The following DCDC1 variants were observed in gnomAD, a reference collection of about 807,000 sequenced individuals.
DCDC1 encodes the protein doublecortin domain-containing protein 1.
In DCDC1, 200 loss-of-function variants were observed where a neutral mutation model predicts 178.3. That is an observed-to-expected ratio of 1.12 (90% CI 1.00 to 1.26). The LOEUF (loss-of-function observed/expected upper bound fraction) is 1.26, where lower values mean the gene tolerates loss of function less well. Ranked by LOEUF, DCDC1 falls within the 50% of genes most tolerant of loss-of-function variation. DCDC1 has a pLI of 0.00. For synonymous variants in DCDC1, 690 were observed against 604.8 expected (o/e 1.14, Z -2.07); for missense variants, 1,983 against 1,749.2 (o/e 1.13, Z -2.38).
At position 31,045,651 on chromosome 11, in the gene DCDC1, G is replaced by GTATCT. The variant is rs1565216438; in HGVS notation, c.2591+18817_2591+18818insAGATA. On this transcript the variant is annotated intron_variant, in intron 20 of 38. Coordinates refer to ENST00000684477, the MANE Select transcript of DCDC1 (RefSeq NM_001387274.1). ...TTCTAATGGTACCATTCTTTCAGAGGTTCAAGATAACTGTTCCTAGTTTTT... is the reference window on the plus strand; with the variant it reads ...TTCTAATGGTACCATTCTTTCAGAGGTATCTTTCAAGATAACTGTTCCTAGTTTTT... Among the ~76,000 whole-genome samples, 96 of 152,178 alleles carry GTATCT rather than the reference G, an allele frequency of 6.3e-4. 2 individuals carry two copies. The South Asian group carries it at 0.019, about 31-fold the overall frequency.
chr11:31,226,917 G>A (rs1192505354), intron 9 of DCDC1, among the ~76,000 whole-genome samples: 3 of 151,426 alleles, frequency 2.0e-5, no homozygotes, highest in African/African-American at 7.3e-5. Context: ...GATTTTCTGG[G>A]GAAAATAACA....
chr11:31,038,267 A>C (rs1300683926), intron 20 of DCDC1, among the ~76,000 whole-genome samples: 1 of 152,112 alleles, frequency 6.6e-6, no homozygotes, highest in Non-Finnish European at 1.5e-5. Context: ...AATGAATTTA[A>C]GTGCACATAT....
intron 20 of DCDC1, among the ~76,000 whole-genome samples, chr11:31,017,039 A>T (rs1307913901): frequency 6.6e-6 from 1 of 152,234 alleles, no homozygotes; most frequent in African/African-American, 2.4e-5. Context: ...GTAGTCCAAA[A>T]TGTGAATATG....
intron 7 of DCDC1, among the ~76,000 whole-genome samples, chr11:31,285,434 C>T (rs945910723): frequency 6.6e-6 from 1 of 152,204 alleles, no homozygotes; most frequent in African/African-American, 2.4e-5. Flanking sequence ...AATTTTGCTA[C>T]CCCAGGTTCT....
At chr11:31,145,103 T>C (rs1176274003) in intron 9 of DCDC1, among the ~76,000 whole-genome samples, 1 of 152,184 alleles carries the variant, frequency 6.6e-6, no homozygotes, top group Non-Finnish European at 1.5e-5. Context: ...ATAATTCACT[T>C]TTTCCTAGTT....
intron 20 of DCDC1, among the ~76,000 whole-genome samples, chr11:30,995,400 G>C (rs150708457): frequency 6.6e-6 from 1 of 151,982 alleles, no homozygotes; most frequent in African/African-American, 2.4e-5. Flanking sequence ...TGTAGATTTC[G>C]ACAAGCTGGT....
At chr11:31,007,073 A>T (rs941512607) in intron 20 of DCDC1, among the ~76,000 whole-genome samples, 1 of 152,200 alleles carries the variant, frequency 6.6e-6, no homozygotes, top group Non-Finnish European at 1.5e-5. Flanking sequence ...GTAACTCAGT[A>T]AGGCTGGAGT....
intron 9 of DCDC1, among the ~76,000 whole-genome samples, chr11:31,151,737 T>A (rs1286673177): frequency 1.3e-5 from 2 of 152,210 alleles, no homozygotes; most frequent in Non-Finnish European, 2.9e-5. Flanking sequence ...ATCGCCATAT[T>A]AGTTGACAGC....
At chr11:30,945,570 G>A (rs892477238) in intron 21 of DCDC1, among the ~76,000 whole-genome samples, 3 of 151,914 alleles carry the variant, frequency 2.0e-5, no homozygotes, top group African/African-American at 7.3e-5. Context: ...GCACATGCCT[G>A]TAATCCCAGC....
chr11:31,360,320 TAAAG>T (rs1198033349), intron 1 of DCDC1, among the ~76,000 whole-genome samples: 2 of 152,172 alleles, frequency 1.3e-5, no homozygotes, highest in African/African-American at 4.8e-5. Flanking sequence ...CCAACTCCTC[TAAAG>T]AAAGATGTGG....
At chr11:31,212,619 T>A (rs188541610) in intron 9 of DCDC1, among the ~76,000 whole-genome samples, 15 of 152,208 alleles carry the variant, frequency 9.9e-5, no homozygotes, top group African/African-American at 3.6e-4. Flanking sequence ...CAAATGAGAT[T>A]TTTTTAAATC....
At chr11:31,031,397 T>C (rs909526497) in intron 20 of DCDC1, among the ~76,000 whole-genome samples, 2 of 152,178 alleles carry the variant, frequency 1.3e-5, no homozygotes, top group Non-Finnish European at 2.9e-5. Flanking sequence ...GCTATGTATG[T>C]AACTTACTAA....
At chr11:30,881,738 C>T (rs1942692367) in intron 36 of DCDC1, among the ~76,000 whole-genome samples, 1 of 152,150 alleles carries the variant, frequency 6.6e-6, no homozygotes. Flanking sequence ...TCAAAAGAGT[C>T]TCCTCAATGA....
chr11:30,894,632 CT>C (rs1308406739), intron 34 of DCDC1, among the ~76,000 whole-genome samples: 3 of 152,158 alleles, frequency 2.0e-5, no homozygotes, highest in Admixed American at 2.0e-4. Flanking sequence ...AGATAACATG[CT>C]GATTTCCACA....
chr11:31,098,600 C>T (rs768097063), intron 15 of DCDC1, among the ~76,000 whole-genome samples: 17 of 152,174 alleles, frequency 1.1e-4, no homozygotes, highest in Non-Finnish European at 4.4e-5. Flanking sequence ...CTTTTGCCTC[C>T]CTTCTCTCAA....
At chr11:31,118,377 T>C (rs1960287386) in intron 11 of DCDC1, among the ~76,000 whole-genome samples, 1 of 152,134 alleles carries the variant, frequency 6.6e-6, no homozygotes, top group Non-Finnish European at 1.5e-5. Context: ...TTTTTCATCA[T>C]AAAACACAAT....
At chr11:31,184,297 T>C (rs1406245508) in intron 9 of DCDC1, among the ~76,000 whole-genome samples, 1 of 152,166 alleles carries the variant, frequency 6.6e-6, no homozygotes, top group Non-Finnish European at 1.5e-5. Flanking sequence ...TCAAGATGGA[T>C]TAAAGACTTA....
chr11:31,085,177 T>TA (rs375247777), intron 17 of DCDC1, among the ~76,000 whole-genome samples: 64 of 149,898 alleles, frequency 4.3e-4, no homozygotes, highest in East Asian at 1.6e-3. Flanking sequence ...TTTTTTTTTT[T>TA]AAAAAAAACT....
At chr11:31,248,274 T>C (rs1264678862) in intron 8 of DCDC1, among the ~76,000 whole-genome samples, 1 of 152,026 alleles carries the variant, frequency 6.6e-6, no homozygotes, top group African/African-American at 2.4e-5. Flanking sequence ...GGTATTAAAT[T>C]AGGCACAAAT....
Sources: gnomAD v4.1 joint callset for allele counts (sites outside exome capture counted in the v4.1 genomes callset) on GRCh38, gnomAD v4.1.1 for gene constraint, MANE v1.5 for transcripts, NCBI Gene and HGNC (gene_info 2026-07-23, HGNC 2026-07-21) for gene names.